TAS1R1: variants seen among roughly 807,000 people sequenced by gnomAD.
The protein encoded by TAS1R1 is taste receptor type 1 member 1.
TAS1R1 carries 31 observed loss-of-function variants against 45.8 expected under a neutral mutation model. The ratio of observed to expected loss-of-function variants is 0.68; its 90% CI spans 0.51 to 0.91. The LOEUF (loss-of-function observed/expected upper bound fraction) is 0.91. TAS1R1 is among the 40% of genes least tolerant of loss of function. The probability of loss-of-function intolerance (pLI) is 0.00; values close to 1 mark genes in which losing one functional copy is unlikely to be tolerated. For missense variants in TAS1R1, 1,051 were observed against 1,063.9 expected, an observed-to-expected ratio of 0.99 and a Z score of 0.17; for synonymous variants, 437 against 448.4, an observed-to-expected ratio of 0.97 and a Z score of 0.32.
Position 6,579,566 on chromosome 1 carries a change from G to A in TAS1R1, c.2508G>A (p.Arg836=), listed in dbSNP as rs546524492. The A allele has an allele frequency of 6.2e-7, 1 of 1,607,236 alleles. No homozygotes were observed. Among genetic ancestry groups the A allele is most frequent in the East Asian group, 2.2e-5 (1 of 44,838 alleles). The change falls in exon 6 of 6, where the codon AGG becomes AGA. Residue 836 remains arginine (R), a synonymous_variant. Transcript: ENST00000333172. ...HFQASIQDYT[R]RCGST is the part of the protein sequence containing the mutation. ...AGGCCTCCATTCAGGACTACACGAG[G>A]CGCTGCGGCTCCACCTGACCAGTGG...
intron 1 of TAS1R1, among the ~76,000 whole-genome samples, chr1:6,565,358 A>T (rs187137110): frequency 6.6e-6 from 1 of 152,086 alleles, no homozygotes; most frequent in Non-Finnish European, 1.5e-5. Flanking sequence ...TGGTGTCTTG[A>T]CCGAATGTTG....
Position 6,574,919 on chromosome 1 carries a change from C to G in TAS1R1, c.787C>G (p.Leu263Val). 6.2e-7 allele frequency: 1 copy of G among 1,613,908 alleles called. No homozygotes were observed. The highest frequency in any genetic ancestry group is 8.5e-7 in the Non-Finnish European group (1 of 1,179,840). ...GAGGATGCAGTGCCTCATGCGCCAC[C>G]TGGCCCAGGCCGGGGCCACCGTCGT... is the stretch of plus-strand genomic sequence containing the variant. ...DERMQCLMRH[L>V]AQAGATVVVV... Residue 263 changes from leucine to valine, a missense_variant, in exon 3 of 6, where the codon CTG becomes GTG. Leu to Val is a conservative substitution (Grantham distance 32). Coordinates refer to ENST00000333172, the MANE Select transcript of TAS1R1 (RefSeq NM_138697.4). The surrounding 1 kb of genome is among the most constrained non-coding windows in gnomAD (Gnocchi z 4.3).
rs749424920 is a variant in TAS1R1, at chr1:6,571,066, A to C, written c.349A>C (p.Arg117=). ...SDSANVYATL[R]VLSLPGQHHI... is the part of the protein sequence containing the mutation. ...CTCTGCCAATGTGTATGCCACGCTGAGAGTGCTCTCCCTGCCAGGGCAACA... is the reference window on the plus strand; with the variant it reads ...CTCTGCCAATGTGTATGCCACGCTGCGAGTGCTCTCCCTGCCAGGGCAACA... The change falls in exon 2 of 6, where the codon AGA becomes CGA. Residue 117 remains arginine, a synonymous_variant. Coordinates refer to ENST00000333172, the MANE Select transcript of TAS1R1 (RefSeq NM_138697.4). 1.2e-6 allele frequency: 2 copies of C among 1,614,178 alleles called. No homozygotes were observed. Among genetic ancestry groups the C allele is most frequent in the South Asian group, 2.2e-5 (2 of 91,092 alleles).
At chr1:6,567,900 G>A (rs1186870060) in intron 1 of TAS1R1, among the ~76,000 whole-genome samples, 1 of 152,132 alleles carries the variant, frequency 6.6e-6, no homozygotes, top group Non-Finnish European at 1.5e-5. Context: ...TTAAAGCAGG[G>A]CCCGGGAGGA....
chr1:6,555,863 C>CTTT (rs1639668895), intron 1 of TAS1R1, among the ~76,000 whole-genome samples: 1 of 48,746 alleles, frequency 2.1e-5, no homozygotes, highest in Non-Finnish European at 4.4e-5. Context: ...CTTTTTCCCT[C>CTTT]TTCTTTTTTT....
In TAS1R1 at chr1:6,576,543, C is replaced by A; in HGVS notation, c.1389C>A (p.Phe463Leu). ...AWDWNGPKWT[F>L]TVLGSSTWSP... ...ACTGGAATGGACCCAAGTGGACCTT[C>A]ACGGTCCTCGGTTCCTCCACATGGT... Residue 463 changes from phenylalanine to leucine, a missense_variant, in exon 4 of 6, where the codon TTC becomes TTA. Phe to Leu is a conservative substitution (Grantham distance 22). Transcript: ENST00000333172. 1 of 1,614,258 alleles carries A rather than the reference C, an allele frequency of 6.2e-7. No individual in the cohort carries two copies.
At chr1:6,563,319 C>T (rs546590696) in intron 1 of TAS1R1, among the ~76,000 whole-genome samples, 15 of 152,294 alleles carry the variant, frequency 9.8e-5, no homozygotes, top group African/African-American at 3.4e-4. Flanking sequence ...GCATTGGATA[C>T]ACACAGGGGC....
chr1:6,576,553 G>A lies in TAS1R1; in HGVS notation c.1399G>A (p.Gly467Ser), dbSNP rs751898440. The change falls in exon 4 of 6, where the codon GGT (glycine) becomes AGT (serine). Residue 467 changes from glycine (G) to serine (S), a missense_variant. By Grantham distance (56) the Gly-to-Ser change is moderately conservative. Coordinates refer to ENST00000333172, the MANE Select transcript of TAS1R1 (RefSeq NM_138697.4). ...ACCCAAGTGGACCTTCACGGTCCTCGGTTCCTCCACATGGTCTCCAGTTCA... is the reference window on the plus strand; with the variant it reads ...ACCCAAGTGGACCTTCACGGTCCTCAGTTCCTCCACATGGTCTCCAGTTCA... ...NGPKWTFTVL[G>S]SSTWSPVQLN... 9 of 1,614,102 alleles carry A rather than the reference G, an allele frequency of 5.6e-6. No individual in the cohort carries two copies. The highest frequency in any genetic ancestry group is 1.3e-5 in the African/African-American group (1 of 74,932).
intron 1 of TAS1R1, among the ~76,000 whole-genome samples, chr1:6,562,756 C>T (rs1365531214): frequency 6.6e-6 from 1 of 152,114 alleles, no homozygotes; most frequent in East Asian, 1.9e-4. Context: ...GGTGCAGGTG[C>T]CAGTCCAATT....
Position 6,555,476 on chromosome 1 carries a change from C to A in TAS1R1, c.103C>A (p.Pro35Thr). 1 of 1,595,050 alleles carries A rather than the reference C, an allele frequency of 6.3e-7. No homozygotes were observed. The highest frequency in any genetic ancestry group is 8.5e-7 in the Non-Finnish European group (1 of 1,170,788). Residue 35 changes from proline to threonine, a missense_variant, in exon 1 of 6, where the codon CCC (proline) becomes ACC (threonine). By Grantham distance (38) the Pro-to-Thr change is conservative. Transcript: ENST00000333172. ...GGAGTCTTCTCCTGACTTCACCCTC[C>A]CCGGAGATTACCTCCTGGCAGGCCT... ...STESSPDFTLPGDYLLAGLFP... is the reference protein window; with the variant it reads ...STESSPDFTLTGDYLLAGLFP...
intron 2 of TAS1R1, among the ~76,000 whole-genome samples, chr1:6,572,501 T>C (rs1483841445): frequency 6.6e-6 from 1 of 152,098 alleles, no homozygotes; most frequent in Non-Finnish European, 1.5e-5. Context: ...GCTCAAGCAA[T>C]CCACCTGCCT....
chr1:6,568,286 A>G (rs985221229), intron 1 of TAS1R1, among the ~76,000 whole-genome samples: 13 of 150,276 alleles, frequency 8.7e-5, no homozygotes, highest in African/African-American at 3.2e-4. Context: ...CATCTCTACT[A>G]AAAAAAAATA....
At chr1:6,567,193 C>A (rs77545175) in intron 1 of TAS1R1, among the ~76,000 whole-genome samples, 1 of 152,056 alleles carries the variant, frequency 6.6e-6, no homozygotes, top group Admixed American at 6.6e-5. Context: ...GGCACATGGA[C>A]GCGAGATGAA....
At position 6,575,090 on chromosome 1, in the gene TAS1R1, A is replaced by G; in HGVS notation, c.958A>G (p.Met320Val). The G allele has an allele frequency of 6.3e-7, 1 of 1,590,414 alleles. No individual in the cohort carries two copies. ...GGTGCCCGGGATCCAGCGCATTGGG[A>G]TGGTGCTGGGCGTGGCCATCCAGAA... ...TGVPGIQRIGMVLGVAIQKRA... is the reference protein window; with the variant it reads ...TGVPGIQRIGVVLGVAIQKRA... The change falls in exon 3 of 6, where the codon ATG becomes GTG. Residue 320 changes from methionine to valine, a missense_variant. Coordinates refer to ENST00000333172, the MANE Select transcript of TAS1R1 (RefSeq NM_138697.4).
At chr1:6,564,168 A>C (rs1301106507) in intron 1 of TAS1R1, among the ~76,000 whole-genome samples, 2 of 152,252 alleles carry the variant, frequency 1.3e-5, no homozygotes, top group South Asian at 2.1e-4. Context: ...ACCAAGAAGC[A>C]TGTCCTGAGA....
chr1:6,577,203 G>T, intron 5 of TAS1R1, 133 bp downstream of exon 5: 2 of 1,348,474 alleles, frequency 1.5e-6, no homozygotes, highest in Non-Finnish European at 2.0e-6. Context: ...GTTAGCTTCA[G>T]GTTGGAGGAC....
chr1:6,576,319 C>T, intron 3 of TAS1R1, 96 bp from the exon 4 acceptor site: 1 of 1,211,286 alleles, frequency 8.3e-7, no homozygotes, highest in Non-Finnish European at 1.2e-6. Context: ...GCTGAAACCA[C>T]CAGGACGGAA....
At chr1:6,558,190 C>T (rs1156368238) in intron 1 of TAS1R1, among the ~76,000 whole-genome samples, 1 of 151,920 alleles carries the variant, frequency 6.6e-6, no homozygotes, top group Non-Finnish European at 1.5e-5. Flanking sequence ...GCATATGCCA[C>T]CACTTACCGC....
chr1:6,563,784 A>G (rs1639828273), intron 1 of TAS1R1, among the ~76,000 whole-genome samples: 1 of 152,132 alleles, frequency 6.6e-6, no homozygotes, highest in South Asian at 2.1e-4. Context: ...AGGAAAGTAA[A>G]TAAGTGTGTT....
Sources: gnomAD v4.1 joint callset for allele counts (sites outside exome capture counted in the v4.1 genomes callset) on GRCh38, gnomAD v4.1.1 for gene constraint, Gnocchi (gnomAD v3.1) non-coding constraint, MANE v1.5 for transcripts, NCBI Gene and HGNC (gene_info 2026-07-23, HGNC 2026-07-21) for gene names.